DGKI: variants seen among roughly 807,000 people sequenced by gnomAD.
DGKI encodes DAG kinase iota.
A neutral mutation model predicts 147.5 loss-of-function variants in DGKI; 55 were observed. That is an observed-to-expected ratio of 0.37 (90% CI 0.30 to 0.47). DGKI has a LOEUF of 0.47. Ranked by LOEUF, DGKI falls within the 20% of genes least tolerant of loss-of-function variation. DGKI has a pLI of 1.00. For missense variants in DGKI, 1,007 were observed against 1,323.8 expected (o/e 0.76, Z 3.71); for synonymous variants, 469 against 477.1 (o/e 0.98, Z 0.22).
intron 21 of DGKI, among the ~76,000 whole-genome samples, chr7:137,504,617 AC>A (rs1342877084): frequency 6.6e-6 from 1 of 152,222 alleles, no homozygotes; most frequent in Non-Finnish European, 1.5e-5. Flanking sequence ...CTATGTATAT[AC>A]ACATTTTAAA....
At chr7:137,706,896 C>A (rs922231140) in intron 1 of DGKI, among the ~76,000 whole-genome samples, 1 of 152,164 alleles carries the variant, frequency 6.6e-6, no homozygotes, top group Non-Finnish European at 1.5e-5. Context: ...TTAAATAATT[C>A]TCTCCTAAGA....
intron 1 of DGKI, among the ~76,000 whole-genome samples, chr7:137,710,970 A>T (rs189172145): frequency 1.1e-3 from 162 of 152,304 alleles, no homozygotes; most frequent in Non-Finnish European, 2.1e-3. Flanking sequence ...AAATATTAAC[A>T]GTAAAAAAAG....
chr7:137,569,544 T>C (rs2128974980), intron 19 of DGKI, among the ~76,000 whole-genome samples: 1 of 151,240 alleles, frequency 6.6e-6, no homozygotes, highest in Middle Eastern at 3.4e-3. Context: ...CTGGCAAACA[T>C]GGTGAAATCT....
At chr7:137,750,420 T>C (rs904443465) in intron 1 of DGKI, among the ~76,000 whole-genome samples, 4 of 133,932 alleles carry the variant, frequency 3.0e-5, no homozygotes, top group African/African-American at 1.1e-4. Flanking sequence ...CGCTGTTGTA[T>C]CACAAGTGCC....
chr7:137,671,180 T>C (rs1822831888), intron 3 of DGKI, among the ~76,000 whole-genome samples: 1 of 152,238 alleles, frequency 6.6e-6, no homozygotes, highest in Non-Finnish European at 1.5e-5. Context: ...CCTTGTACTC[T>C]TCTTGAAAGT....
chr7:137,594,355 A>AT (rs1819716874), intron 12 of DGKI, among the ~76,000 whole-genome samples: 1 of 152,042 alleles, frequency 6.6e-6, no homozygotes, highest in Admixed American at 6.6e-5. Context: ...CCTTTCATGT[A>AT]TTTTTTAAAT....
intron 5 of DGKI, among the ~76,000 whole-genome samples, chr7:137,652,981 T>C (rs748578203): frequency 3.3e-5 from 5 of 152,212 alleles, no homozygotes; most frequent in South Asian, 2.1e-4. Context: ...CAACCTTCTA[T>C]TGGGCATCTC....
At chr7:137,496,551 A>G (rs1815972415) in intron 21 of DGKI, among the ~76,000 whole-genome samples, 1 of 152,136 alleles carries the variant, frequency 6.6e-6, no homozygotes, top group Non-Finnish European at 1.5e-5. Flanking sequence ...ACTCAAAACT[A>G]TACTACAAGG....
intron 20 of DGKI, chr7:137,546,006 A>G: frequency 1.4e-6 from 1 of 698,814 alleles, no homozygotes; most frequent in Non-Finnish European, 2.6e-6. Flanking sequence ...AGTCAGCGAC[A>G]GCGTGGACAG....
At chr7:137,404,561 C>T (rs1156142) in intron 30 of DGKI, among the ~76,000 whole-genome samples, 67,640 of 151,966 alleles carry the variant, frequency 0.45, 16,410 homozygotes, top group African/African-American at 0.65. Flanking sequence ...TGTGCTCTCC[C>T]ATCTCCACAG....
intron 30 of DGKI, among the ~76,000 whole-genome samples, chr7:137,398,250 C>A (rs1171361627): frequency 6.6e-6 from 1 of 152,132 alleles, no homozygotes; most frequent in African/African-American, 2.4e-5. Context: ...GGGACCACCC[C>A]AGGCAAGGGG....
intron 31 of DGKI, among the ~76,000 whole-genome samples, chr7:137,396,933 G>T (rs1296701708): frequency 6.6e-6 from 1 of 152,206 alleles, no homozygotes; most frequent in Non-Finnish European, 1.5e-5. Flanking sequence ...TTCAGTGGTG[G>T]TTCATAACTT....
At chr7:137,661,562 C>T (rs917963789) in intron 3 of DGKI, among the ~76,000 whole-genome samples, 2 of 152,168 alleles carry the variant, frequency 1.3e-5, no homozygotes, top group East Asian at 1.9e-4. Flanking sequence ...CCCCAGCTGC[C>T]TCCCAGCTTT....
At chr7:137,547,154 A>G (rs1817892796) in intron 20 of DGKI, among the ~76,000 whole-genome samples, 1 of 152,268 alleles carries the variant, frequency 6.6e-6, no homozygotes, top group African/African-American at 2.4e-5. Context: ...TCAGGTAACT[A>G]GCATATGAAT....
chr7:137,845,599 T>C (rs1798686947), intron 1 of DGKI, among the ~76,000 whole-genome samples: 1 of 152,212 alleles, frequency 6.6e-6, no homozygotes, highest in South Asian at 2.1e-4. Flanking sequence ...TCTTTATTCT[T>C]GCCTGCGGAA....
At chr7:137,423,946 G>A (rs555336984) in intron 28 of DGKI, among the ~76,000 whole-genome samples, 10 of 152,090 alleles carry the variant, frequency 6.6e-5, no homozygotes, top group Admixed American at 3.9e-4. Flanking sequence ...TACACTTGCC[G>A]TGGTGGTTTG....
chr7:137,550,646 A>G (rs916141291), intron 20 of DGKI, among the ~76,000 whole-genome samples: 1 of 152,234 alleles, frequency 6.6e-6, no homozygotes, highest in Admixed American at 6.5e-5. Context: ...ATGGTTGCTG[A>G]GCAAATACGA....
chr7:137,760,912 C>A (rs1795839817), intron 1 of DGKI, among the ~76,000 whole-genome samples: 1 of 152,156 alleles, frequency 6.6e-6, no homozygotes, highest in Non-Finnish European at 1.5e-5. Context: ...TCCCTTTAGG[C>A]TGTTCTGCAC....
At chr7:137,509,671 C>A (rs76271220) in intron 21 of DGKI, among the ~76,000 whole-genome samples, 5,064 of 152,214 alleles carry the variant, frequency 0.033, 264 homozygotes, top group African/African-American at 0.12. Flanking sequence ...CTTGTCAATG[C>A]CTCAAAGGCA....
Sources: allele counts gnomAD v4.1 joint callset (sites outside exome capture counted in the v4.1 genomes callset), GRCh38; gene constraint gnomAD v4.1.1; transcripts MANE v1.5; gene names NCBI Gene and HGNC (gene_info 2026-07-23, HGNC 2026-07-21).